Variants in FAM20A observed in about 807,000 individuals in gnomAD.
FAM20A encodes pseudokinase FAM20A.
Under a neutral mutation model 52.0 loss-of-function variants are expected in FAM20A, and 42 were observed. The ratio of observed to expected loss-of-function variants is 0.81; its 90% CI spans 0.63 to 1.04. The LOEUF (loss-of-function observed/expected upper bound fraction) is 1.04. FAM20A is among the 50% of genes least tolerant of loss of function. FAM20A has a pLI of 0.00. For synonymous variants in FAM20A, 304 were observed against 298.9 expected (o/e 1.02, Z -0.18); for missense variants, 742 against 712.7 (o/e 1.04, Z -0.47).
chr17:68,592,953 G>T (rs546342320), intron 1 of FAM20A, among the ~76,000 whole-genome samples: 2 of 152,196 alleles, frequency 1.3e-5, no homozygotes, highest in African/African-American at 4.8e-5. Context: ...CCAAAGCCAG[G>T]CTACAGGGAT....
intron 3 of FAM20A, among the ~76,000 whole-genome samples, chr17:68,554,454 G>T (rs138019327): frequency 6.6e-6 from 1 of 152,246 alleles, no homozygotes; most frequent in East Asian, 1.9e-4. Flanking sequence ...ATTTGAAAGC[G>T]TGCTCCAATC....
chr17:68,571,987 CATATATATATATATAT>C (rs57442973), intron 1 of FAM20A, among the ~76,000 whole-genome samples: 621 of 43,712 alleles, frequency 0.014, 18 homozygotes, highest in Admixed American at 0.026. Flanking sequence ...TATATACATA[CATATATATATATATAT>C]ATATATATAT....
At chr17:68,598,782 A>T (rs2088529805) in intron 1 of FAM20A, among the ~76,000 whole-genome samples, 1 of 152,190 alleles carries the variant, frequency 6.6e-6, no homozygotes. Flanking sequence ...AATGTGACTA[A>T]ATGAATGCTG....
At chr17:68,571,697 T>C (rs1156692697) in intron 1 of FAM20A, among the ~76,000 whole-genome samples, 1 of 152,022 alleles carries the variant, frequency 6.6e-6, no homozygotes, top group Non-Finnish European at 1.5e-5. Context: ...TTTTTCCCCA[T>C]GGCTGTGATG....
intron 1 of FAM20A, among the ~76,000 whole-genome samples, chr17:68,572,661 C>T (rs929918969): frequency 3.9e-5 from 6 of 152,188 alleles, no homozygotes; most frequent in African/African-American, 7.2e-5. Flanking sequence ...TTCAGCAGAA[C>T]GAGCTGACTC....
intron 7 of FAM20A, chr17:68,541,531 G>A (rs950355900): frequency 5.3e-6 from 1 of 190,350 alleles, no homozygotes; most frequent in South Asian, 1.1e-4. Context: ...CTAGTGTGGA[G>A]TACCTGCTAT....
chr17:68,571,752 C>T (rs889606978), intron 1 of FAM20A, among the ~76,000 whole-genome samples: 20 of 151,658 alleles, frequency 1.3e-4, no homozygotes, highest in Non-Finnish European at 1.5e-5. Context: ...TCTCCTGTGA[C>T]ACGGAAGGAT....
intron 7 of FAM20A, 131 bp from the exon 8 acceptor site, chr17:68,541,089 A>G: frequency 7.1e-7 from 1 of 1,416,428 alleles, no homozygotes; most frequent in Non-Finnish European, 9.6e-7. Flanking sequence ...CAGCTTCTAA[A>G]ATTCAGAAAG....
At chr17:68,576,958 A>T (rs1357290547) in intron 1 of FAM20A, among the ~76,000 whole-genome samples, 1 of 152,150 alleles carries the variant, frequency 6.6e-6, no homozygotes, top group Admixed American at 6.5e-5. Context: ...CAACTTTCAG[A>T]CACCCTGGAG....
chr17:68,553,252 C>A (rs183158610), intron 3 of FAM20A, among the ~76,000 whole-genome samples: 1 of 152,154 alleles, frequency 6.6e-6, no homozygotes, highest in Non-Finnish European at 1.5e-5. Flanking sequence ...TTCCCCTCCC[C>A]CTTCTGCCAT....
chr17:68,548,465 G>A (rs2143608212), intron 4 of FAM20A, among the ~76,000 whole-genome samples: 1 of 152,154 alleles, frequency 6.6e-6, no homozygotes, highest in African/African-American at 2.4e-5. Context: ...AGGAGGCAGA[G>A]GTTGCAGCGA....
intron 1 of FAM20A, among the ~76,000 whole-genome samples, chr17:68,581,843 G>C (rs962549456): frequency 1.3e-5 from 2 of 152,024 alleles, no homozygotes; most frequent in Admixed American, 1.3e-4. Flanking sequence ...CAAAGTGCTG[G>C]GATTACAGGT....
chr17:68,590,752 C>CA (rs1053790598), intron 1 of FAM20A, among the ~76,000 whole-genome samples: 1 of 152,168 alleles, frequency 6.6e-6, no homozygotes, highest in Non-Finnish European at 1.5e-5. Flanking sequence ...AAAGCCCCTC[C>CA]ACCACCCTGT....
chr17:68,568,118 G>A (rs1277491749), intron 1 of FAM20A, among the ~76,000 whole-genome samples: 1 of 151,860 alleles, frequency 6.6e-6, no homozygotes, highest in East Asian at 1.9e-4. Flanking sequence ...GAGAATAGGG[G>A]GAGTGTCTGA....
At chr17:68,568,835 C>T (rs1280779422) in intron 1 of FAM20A, among the ~76,000 whole-genome samples, 2 of 149,074 alleles carry the variant, frequency 1.3e-5, no homozygotes, top group East Asian at 4.1e-4. Context: ...ATCATATGGG[C>T]AAAGGCCCTT....
chr17:68,561,652 A>C (rs1157528196), intron 1 of FAM20A, among the ~76,000 whole-genome samples: 2 of 148,712 alleles, frequency 1.3e-5, no homozygotes, highest in African/African-American at 5.0e-5. Flanking sequence ...ACTTATCCAC[A>C]TGAATTTTAC....
At chr17:68,584,883 G>A (rs544275012) in intron 1 of FAM20A, among the ~76,000 whole-genome samples, 25 of 152,206 alleles carry the variant, frequency 1.6e-4, no homozygotes, top group African/African-American at 4.3e-4. Context: ...ACAGAATGTC[G>A]TCTCATTCAG....
chr17:68,592,623 C>T (rs1228439161), intron 1 of FAM20A, among the ~76,000 whole-genome samples: 1 of 152,200 alleles, frequency 6.6e-6, no homozygotes, highest in Admixed American at 6.5e-5. Context: ...TCTTTCCTAT[C>T]CCATCAACCT....
intron 4 of FAM20A, chr17:68,551,119 G>A (rs1221566437): frequency 7.3e-6 from 9 of 1,234,200 alleles, no homozygotes. Context: ...CATTCCCCTG[G>A]GCTAAGGCAC....
Sources: allele counts gnomAD v4.1 joint callset (sites outside exome capture counted in the v4.1 genomes callset), GRCh38; gene constraint gnomAD v4.1.1; transcripts MANE v1.5; gene names NCBI Gene and HGNC (gene_info 2026-07-23, HGNC 2026-07-21).